GRIK2: variants seen among roughly 807,000 people sequenced by gnomAD.
The protein encoded by GRIK2 is glutamate ionotropic receptor kainate type subunit 2.
In GRIK2, 32 loss-of-function variants were observed where a neutral mutation model predicts 100.3. That is an observed-to-expected ratio of 0.32 (90% CI 0.24 to 0.43). The LOEUF (loss-of-function observed/expected upper bound fraction) is 0.43, where lower values mean the gene tolerates loss of function less well. Ranked by LOEUF, GRIK2 falls within the 20% of genes least tolerant of loss-of-function variation. The pLI is 1.00. For missense variants in GRIK2, 843 were observed against 1,114.9 expected, an observed-to-expected ratio of 0.76 and a Z score of 3.47; for synonymous variants, 417 against 389.4, an observed-to-expected ratio of 1.07 and a Z score of -0.83.
Position 101,464,497 on chromosome 6 carries a change from C to CTTTTTTTTTTTTTTT in GRIK2, c.115+65129_115+65143dup, listed in dbSNP as rs71028069. Among the ~76,000 whole-genome samples the CTTTTTTTTTTTTTTT allele has an allele frequency of 6.3e-4, 39 of 62,038 alleles. 4 individuals carry two copies. The highest frequency in any genetic ancestry group is 1.0e-3 in the Non-Finnish European group (35 of 33,790). The allele number at this position is 62,038 out of a possible 152,430, so 40.7% of individuals were successfully genotyped here. On this transcript the variant is annotated intron_variant, in intron 2 of 16. Coordinates refer to ENST00000369134, the MANE Select transcript of GRIK2 (RefSeq NM_021956.5). ...TAATTTTTACCTTTTCTTTTTCTTT[C>CTTTTTTTTTTTTTTT]TTTTTTTTTTTTTTTTTTTTTTTTT...
At chr6:101,428,118 G>A (rs1769151500) in intron 2 of GRIK2, among the ~76,000 whole-genome samples, 1 of 152,092 alleles carries the variant, frequency 6.6e-6, no homozygotes, top group Non-Finnish European at 1.5e-5. Context: ...GAACAAAAAT[G>A]TCAGCGATTT....
At chr6:101,989,839 G>T (rs1165108155) in intron 14 of GRIK2, among the ~76,000 whole-genome samples, 1 of 151,142 alleles carries the variant, frequency 6.6e-6, no homozygotes, top group African/African-American at 2.4e-5. Context: ...TATTTCCTTT[G>T]TGGAAACCAT....
intron 7 of GRIK2, among the ~76,000 whole-genome samples, chr6:101,703,073 C>T (rs775504099): frequency 6.6e-6 from 1 of 151,780 alleles, no homozygotes; most frequent in East Asian, 1.9e-4. Flanking sequence ...GGCATTCAAT[C>T]AATATTTGTT....
At chr6:101,840,879 G>A (rs2791824) in intron 10 of GRIK2, among the ~76,000 whole-genome samples, 42,297 of 151,986 alleles carry the variant, frequency 0.28, 8,412 homozygotes, top group East Asian at 0.68. Flanking sequence ...CTTCATCAGA[G>A]GATTAATAAA....
intron 7 of GRIK2, among the ~76,000 whole-genome samples, chr6:101,743,732 C>G (rs979328928): frequency 5.3e-5 from 8 of 152,050 alleles, no homozygotes; most frequent in Non-Finnish European, 1.2e-4. Flanking sequence ...CATATTTTTT[C>G]TTACTTTAAA....
chr6:101,953,548 T>C (rs951354504), intron 14 of GRIK2, among the ~76,000 whole-genome samples: 1 of 152,224 alleles, frequency 6.6e-6, no homozygotes, highest in African/African-American at 2.4e-5. Flanking sequence ...TTATTCACCA[T>C]TTGTATATCT....
At chr6:101,801,474 TA>T (rs1780664613) in intron 8 of GRIK2, among the ~76,000 whole-genome samples, 1 of 152,026 alleles carries the variant, frequency 6.6e-6, no homozygotes, top group Admixed American at 6.6e-5. Flanking sequence ...CTCAGAAATT[TA>T]GTAATATTAA....
At chr6:101,697,303 TG>T (rs1179887266) in intron 7 of GRIK2, among the ~76,000 whole-genome samples, 1 of 151,830 alleles carries the variant, frequency 6.6e-6, no homozygotes, top group Non-Finnish European at 1.5e-5. Flanking sequence ...TATCATCTGT[TG>T]TATGCAAAAT....
chr6:101,566,756 AT>A (rs1777295360), intron 2 of GRIK2, among the ~76,000 whole-genome samples: 1 of 150,112 alleles, frequency 6.7e-6, no homozygotes, highest in South Asian at 2.1e-4. Context: ...CTCTATATAA[AT>A]TTTTATATAA....
At chr6:101,651,111 T>G (rs1279222584) in intron 4 of GRIK2, among the ~76,000 whole-genome samples, 1 of 151,688 alleles carries the variant, frequency 6.6e-6, no homozygotes, top group Non-Finnish European at 1.5e-5. Context: ...ACTCTCATCT[T>G]CACTTTCCTA....
chr6:101,454,820 A>G (rs1388278296), intron 2 of GRIK2, among the ~76,000 whole-genome samples: 1 of 152,108 alleles, frequency 6.6e-6, no homozygotes, highest in Non-Finnish European at 1.5e-5. Context: ...GTGCTCTGCT[A>G]AGAGAAGGAA....
At chr6:101,957,740 A>G (rs1219080634) in intron 14 of GRIK2, among the ~76,000 whole-genome samples, 2 of 152,054 alleles carry the variant, frequency 1.3e-5, no homozygotes, top group African/African-American at 2.4e-5. Context: ...TCATTCCTCT[A>G]TGTATGGCAA....
intron 14 of GRIK2, among the ~76,000 whole-genome samples, chr6:102,000,275 G>GC (rs2114256183): frequency 9.7e-6 from 1 of 103,414 alleles, no homozygotes; most frequent in Admixed American, 1.3e-4. Flanking sequence ...TTTGTTGAAG[G>GC]CTTTTTTTTT....
At chr6:101,863,258 T>C (rs1309029136) in intron 11 of GRIK2, among the ~76,000 whole-genome samples, 1 of 152,222 alleles carries the variant, frequency 6.6e-6, no homozygotes, top group Non-Finnish European at 1.5e-5. Context: ...CTGAAATCAT[T>C]GCAGAGATAC....
chr6:101,733,708 CTTTTTTTTT>C (rs34438783), intron 7 of GRIK2, among the ~76,000 whole-genome samples: 19 of 83,942 alleles, frequency 2.3e-4, no homozygotes, highest in African/African-American at 6.6e-4. Context: ...ATTCCTCTTT[CTTTTTTTTT>C]TTTTTTTTTT....
At chr6:101,886,831 T>A (rs1229999822) in intron 11 of GRIK2, among the ~76,000 whole-genome samples, 1 of 141,940 alleles carries the variant, frequency 7.0e-6, no homozygotes, top group Non-Finnish European at 1.5e-5. Context: ...TTTTTTTTTT[T>A]TTTTTTTTTT....
chr6:101,775,633 G>A (rs1333501614), intron 7 of GRIK2, among the ~76,000 whole-genome samples: 1 of 151,392 alleles, frequency 6.6e-6, no homozygotes, highest in Non-Finnish European at 1.5e-5. Flanking sequence ...GACAGAGGCT[G>A]TACTCACATT....
chr6:101,657,990 A>G lies in GRIK2; in HGVS notation c.542-18633A>G, dbSNP rs527265868. Among the ~76,000 whole-genome samples, 105 of 152,258 alleles carry G rather than the reference A, an allele frequency of 6.9e-4. 1 individual carries two copies. The highest frequency in any genetic ancestry group is 3.5e-3 in the South Asian group (17 of 4,826). ...TATTAGTAACTTGGACTATTTCAAT[A>G]TACCCTAGTTTACCAACCCATCCTT... On this transcript the variant is annotated intron_variant, in intron 4 of 16. Coordinates refer to ENST00000369134, the MANE Select transcript of GRIK2 (RefSeq NM_021956.5).
chr6:101,511,069 C>T (rs1289780495), intron 2 of GRIK2, among the ~76,000 whole-genome samples: 2 of 152,092 alleles, frequency 1.3e-5, no homozygotes, highest in East Asian at 3.9e-4. Context: ...ATCCAGTTAT[C>T]TGGGCTTTAG....
Sources: gnomAD v4.1 joint callset for allele counts (sites outside exome capture counted in the v4.1 genomes callset) on GRCh38, gnomAD v4.1.1 for gene constraint, MANE v1.5 for transcripts, NCBI Gene and HGNC (gene_info 2026-07-23, HGNC 2026-07-21) for gene names.